GPC5: variants seen among roughly 807,000 people sequenced by gnomAD.
GPC5 encodes the protein glypican-5.
Under a neutral mutation model 53.9 loss-of-function variants are expected in GPC5, and 47 were observed. That is an observed-to-expected ratio of 0.87 (90% CI 0.69 to 1.11). The LOEUF (loss-of-function observed/expected upper bound fraction) is 1.11, where lower values mean the gene tolerates loss of function less well. GPC5 is among the 50% of genes most tolerant of loss of function. GPC5 has a pLI of 0.00. For synonymous variants in GPC5, 286 were observed against 263.3 expected (o/e 1.09, Z -0.84); for missense variants, 748 against 713.1 (o/e 1.05, Z -0.56).
At chr13:92,486,917 G>T (rs141639458) in intron 7 of GPC5, among the ~76,000 whole-genome samples, 1 of 151,692 alleles carries the variant, frequency 6.6e-6, no homozygotes, top group African/African-American at 2.4e-5. Context: ...GTGCAGAGGC[G>T]TTATCTCGGC....
At chr13:92,729,568 G>A (rs527369351) in intron 7 of GPC5, among the ~76,000 whole-genome samples, 158 of 151,252 alleles carry the variant, frequency 1.0e-3, no homozygotes, top group Non-Finnish European at 2.0e-3. Flanking sequence ...GGTTTATATT[G>A]TTTTCCTATA....
chr13:92,514,945 C>T (rs1261024222), intron 7 of GPC5, among the ~76,000 whole-genome samples: 2 of 152,124 alleles, frequency 1.3e-5, no homozygotes, highest in Non-Finnish European at 2.9e-5. Flanking sequence ...TTCCCTCACT[C>T]ATCGTGACTG....
chr13:92,736,855 T>A (rs946864566), intron 7 of GPC5, among the ~76,000 whole-genome samples: 10 of 151,940 alleles, frequency 6.6e-5, no homozygotes. Context: ...ATTAAATACA[T>A]GTTTAATGAT....
At chr13:91,695,358 C>A (rs74538584) in intron 3 of GPC5, among the ~76,000 whole-genome samples, 4,795 of 151,880 alleles carry the variant, frequency 0.032, 95 homozygotes, top group Non-Finnish European at 0.045. Context: ...GAACAAAATG[C>A]TCTTATTATT....
At position 91,571,939 on chromosome 13, in the gene GPC5, GTATATACA is replaced by G. The variant is rs1566516275; in HGVS notation, c.326-121243_326-121236del. On this transcript the variant is annotated intron_variant, in intron 2 of 7. Coordinates refer to ENST00000377067, the MANE Select transcript of GPC5 (RefSeq NM_004466.6). Reference sequence around the variant, plus strand: ...ACACATATTGTATATATACACACATGTATATACATATACACACATATATGTATATATGT... The same window carrying G: ...ACACATATTGTATATATACACACATGTATACACACATATATGTATATATGT... Among the ~76,000 whole-genome samples the G allele has an allele frequency of 3.8e-5, 5 of 132,394 alleles. No individual in the cohort carries two copies. The East Asian group carries it at 8.9e-4, about 24-fold the overall frequency. 86.9% of individuals were successfully genotyped at this position (132,394 alleles called of 152,430 possible). A position where few individuals can be genotyped will look rare whatever the true frequency, so the allele number is the denominator to read the frequency against.
At chr13:91,885,157 C>G (rs1362741343) in intron 5 of GPC5, among the ~76,000 whole-genome samples, 2 of 151,938 alleles carry the variant, frequency 1.3e-5, no homozygotes, top group Non-Finnish European at 2.9e-5. Context: ...TAATATGTAC[C>G]CATATGCCTT....
chr13:92,616,008 C>T (rs1483385005), intron 7 of GPC5, among the ~76,000 whole-genome samples: 2 of 152,090 alleles, frequency 1.3e-5, no homozygotes, highest in Non-Finnish European at 2.9e-5. Context: ...GAGCCGAGAT[C>T]GCGCCACTGC....
intron 3 of GPC5, among the ~76,000 whole-genome samples, chr13:91,717,254 T>A (rs1443339777): frequency 6.6e-6 from 1 of 152,178 alleles, no homozygotes; most frequent in Non-Finnish European, 1.5e-5. Flanking sequence ...TGCTGGGAAA[T>A]TTCCAGCTTC....
chr13:91,557,316 T>C (rs1187299645), intron 2 of GPC5, among the ~76,000 whole-genome samples: 1 of 152,138 alleles, frequency 6.6e-6, no homozygotes, highest in Non-Finnish European at 1.5e-5. Flanking sequence ...AGGTTGAACA[T>C]CTTTTCATGT....
chr13:91,821,156 C>T (rs551707282), intron 5 of GPC5, among the ~76,000 whole-genome samples: 1 of 152,242 alleles, frequency 6.6e-6, no homozygotes, highest in Admixed American at 6.5e-5. Context: ...TTTAATGCTT[C>T]TCAATAATAT....
intron 7 of GPC5, among the ~76,000 whole-genome samples, chr13:92,552,701 T>C (rs1882359434): frequency 6.6e-6 from 1 of 151,964 alleles, no homozygotes; most frequent in African/African-American, 2.4e-5. Context: ...GTAGATTTCT[T>C]GGCTCTTTCA....
chr13:92,293,422 C>CTTTTTTTTTT (rs748125673), intron 7 of GPC5, among the ~76,000 whole-genome samples: 1 of 77,284 alleles, frequency 1.3e-5, no homozygotes, highest in Non-Finnish European at 2.4e-5. Flanking sequence ...TGGTTGGTTT[C>CTTTTTTTTTT]TTTTTTTTTT....
intron 2 of GPC5, among the ~76,000 whole-genome samples, chr13:91,565,117 G>A (rs1021521599): frequency 3.3e-5 from 5 of 151,890 alleles, no homozygotes; most frequent in African/African-American, 7.3e-5. Context: ...AGCCTCCCAA[G>A]TAGCTGGGAT....
chr13:92,730,501 T>G (rs1888769116), intron 7 of GPC5, among the ~76,000 whole-genome samples: 2 of 151,358 alleles, frequency 1.3e-5, no homozygotes, highest in Admixed American at 1.3e-4. Context: ...CTTCCAGGAG[T>G]TTTATAATTT....
In GPC5 at chr13:92,616,323, T is replaced by A. The variant is rs538662189; in HGVS notation, c.1562-249959T>A. Among the ~76,000 whole-genome samples, 4 of 152,282 alleles carry A rather than the reference T, an allele frequency of 2.6e-5. No individual in the cohort carries two copies. In the South Asian group the frequency reaches 8.3e-4, roughly 32 times the overall value. ...AAGAGAGTTTTCAATATTTTAGTCT[T>A]TTGCCAATGTATAGTAATCTGAAGT... On this transcript the variant is annotated intron_variant, in intron 7 of 7. Transcript: ENST00000377067.
At chr13:92,775,287 A>G (rs1875761639) in intron 7 of GPC5, among the ~76,000 whole-genome samples, 1 of 152,244 alleles carries the variant, frequency 6.6e-6, no homozygotes, top group African/African-American at 2.4e-5. Flanking sequence ...TTCCTCAAAT[A>G]ACAAAGAGGT....
intron 6 of GPC5, among the ~76,000 whole-genome samples, chr13:91,963,324 T>C (rs1189352841): frequency 6.6e-6 from 1 of 152,174 alleles, no homozygotes. Flanking sequence ...AGGTTTTGAA[T>C]CCAATTTTAC....
chr13:92,543,145 C>T (rs1482546838), intron 7 of GPC5, among the ~76,000 whole-genome samples: 3 of 152,192 alleles, frequency 2.0e-5, no homozygotes, highest in African/African-American at 7.2e-5. Flanking sequence ...TGTCTCACAA[C>T]TCCTATAGAC....
Position 91,507,492 on chromosome 13 carries a change from G to T in GPC5, c.325+58570G>T, listed in dbSNP as rs149321487. On this transcript the variant is annotated intron_variant, in intron 2 of 7. Coordinates refer to ENST00000377067, the MANE Select transcript of GPC5 (RefSeq NM_004466.6). ...GAGGCAAAAAGAGAGCTTGTGCAGA[G>T]AAACTCCCATTTTTAAAACCATCAG... Among the ~76,000 whole-genome samples, 1,039 of 152,262 alleles carry T rather than the reference G, an allele frequency of 6.8e-3. 6 individuals are homozygous for T. The highest frequency in any genetic ancestry group is 0.014 in the African/African-American group (600 of 41,556).
Sources: allele counts gnomAD v4.1 joint callset (sites outside exome capture counted in the v4.1 genomes callset), GRCh38; gene constraint gnomAD v4.1.1; transcripts MANE v1.5; gene names NCBI Gene and HGNC (gene_info 2026-07-23, HGNC 2026-07-21).